Variants in ARHGAP15 observed in about 807,000 individuals in gnomAD.
ARHGAP15 encodes the protein Rho GTPase activating protein 15.
In ARHGAP15, 51 loss-of-function variants were observed where a neutral mutation model predicts 63.7. The ratio of observed to expected loss-of-function variants is 0.80; its 90% CI spans 0.64 to 1.01. ARHGAP15 has a LOEUF of 1.01. Among genes scored for constraint, ARHGAP15 ranks in the 50% least tolerant of loss-of-function variants. The pLI is 0.00. For missense variants in ARHGAP15, 560 were observed against 564.6 expected (o/e 0.99, Z 0.08); for synonymous variants, 191 against 193.8 (o/e 0.99, Z 0.12).
chr2:143,566,664 C>G (rs991091529), intron 11 of ARHGAP15, among the ~76,000 whole-genome samples: 5 of 152,092 alleles, frequency 3.3e-5, no homozygotes, highest in African/African-American at 1.2e-4. Context: ...TCATCAAGCT[C>G]ATCCTCTTCC....
At chr2:143,218,277 C>CTTT (rs762494225) in intron 4 of ARHGAP15, among the ~76,000 whole-genome samples, 3,227 of 91,908 alleles carry the variant, frequency 0.035, 27 homozygotes, top group African/African-American at 0.063. Context: ...TTTAGTTTTC[C>CTTT]TTTTTTTTTT....
intron 10 of ARHGAP15, among the ~76,000 whole-genome samples, chr2:143,548,307 C>T (rs1695415111): frequency 6.6e-6 from 1 of 151,996 alleles, no homozygotes; most frequent in African/African-American, 2.4e-5. Context: ...AAGCATTCTC[C>T]TTTCTGATTC....
At chr2:143,330,139 C>CAAAAAAAAAAAA (rs1553465099) in intron 6 of ARHGAP15, among the ~76,000 whole-genome samples, 1 of 55,504 alleles carries the variant, frequency 1.8e-5, no homozygotes, top group Non-Finnish European at 3.6e-5. Context: ...AAACCAAAAA[C>CAAAAAAAAAAAA]AAAAAACTAA....
chr2:143,711,277 C>T (rs1004653746), intron 13 of ARHGAP15, among the ~76,000 whole-genome samples: 10 of 152,186 alleles, frequency 6.6e-5, no homozygotes, highest in African/African-American at 2.4e-4. Context: ...TCTCCTGAGG[C>T]AGATAAATTA....
intron 13 of ARHGAP15, among the ~76,000 whole-genome samples, chr2:143,734,786 G>T (rs1160295522): frequency 6.6e-6 from 1 of 152,086 alleles, no homozygotes; most frequent in East Asian, 1.9e-4. Flanking sequence ...ATGGATTTCT[G>T]TTTCTACATG....
chr2:143,296,392 C>G (rs996474719), intron 6 of ARHGAP15, among the ~76,000 whole-genome samples: 3 of 152,018 alleles, frequency 2.0e-5, no homozygotes, highest in Non-Finnish European at 4.4e-5. Context: ...CTTTCATAAG[C>G]ATATTGCTAG....
At chr2:143,694,579 A>G (rs538657421) in intron 12 of ARHGAP15, among the ~76,000 whole-genome samples, 2 of 152,340 alleles carry the variant, frequency 1.3e-5, no homozygotes, top group African/African-American at 2.4e-5. Flanking sequence ...CAGTTCAGAA[A>G]TGCTGACTAA....
intron 6 of ARHGAP15, among the ~76,000 whole-genome samples, chr2:143,309,658 A>AG: frequency 6.6e-6 from 1 of 152,018 alleles, no homozygotes; most frequent in Non-Finnish European, 1.5e-5. Flanking sequence ...TAAAATCCCT[A>AG]GGTATGTATC....
At chr2:143,266,194 A>G (rs1455925221) in intron 6 of ARHGAP15, among the ~76,000 whole-genome samples, 1 of 152,124 alleles carries the variant, frequency 6.6e-6, no homozygotes, top group Non-Finnish European at 1.5e-5. Context: ...TTTCCCACTA[A>G]GTCCTTTGTT....
intron 12 of ARHGAP15, among the ~76,000 whole-genome samples, chr2:143,679,656 TGTGTG>T (rs1278984120): frequency 1.2e-4 from 1 of 8,196 alleles, no homozygotes; most frequent in East Asian, 0.1. Context: ...CGTGTGTGCG[TGTGTG>T]TGTGTGTGTG....
intron 13 of ARHGAP15, among the ~76,000 whole-genome samples, chr2:143,728,247 T>C (rs1410798944): frequency 2.0e-5 from 3 of 152,228 alleles, no homozygotes; most frequent in African/African-American, 7.2e-5. Flanking sequence ...TGTGCTTTTT[T>C]TCCCTGGTGT....
At chr2:143,572,282 C>T (rs1218532372) in intron 11 of ARHGAP15, among the ~76,000 whole-genome samples, 1 of 152,170 alleles carries the variant, frequency 6.6e-6, no homozygotes, top group Non-Finnish European at 1.5e-5. Flanking sequence ...CATCACCCAC[C>T]TGTGTGTGCC....
At chr2:143,682,846 T>G (rs899385926) in intron 12 of ARHGAP15, 1 of 152,218 alleles carries the variant, frequency 6.6e-6, no homozygotes, top group South Asian at 2.1e-4. Flanking sequence ...CTTCTCCTTT[T>G]TCGCAGGAGT....
At chr2:143,539,586 T>C (rs1694948897) in intron 10 of ARHGAP15, among the ~76,000 whole-genome samples, 1 of 152,224 alleles carries the variant, frequency 6.6e-6, no homozygotes, top group Admixed American at 6.5e-5. Context: ...TGTGTCTTTG[T>C]TCTCGTTGGT....
intron 6 of ARHGAP15, among the ~76,000 whole-genome samples, chr2:143,272,435 A>G (rs1574191116): frequency 6.6e-6 from 1 of 152,112 alleles, no homozygotes; most frequent in African/African-American, 2.4e-5. Flanking sequence ...GTTCGAGACC[A>G]GCTAGCCAAC....
At chr2:143,141,615 C>G (rs1161064915) in intron 1 of ARHGAP15, among the ~76,000 whole-genome samples, 2 of 152,140 alleles carry the variant, frequency 1.3e-5, no homozygotes, top group African/African-American at 4.8e-5. Flanking sequence ...CAATATCCTA[C>G]TCGTTGTAAC....
chr2:143,542,650 GAT>G (rs1447232339), intron 10 of ARHGAP15, among the ~76,000 whole-genome samples: 1 of 137,668 alleles, frequency 7.3e-6, no homozygotes. Flanking sequence ...ATATATATAT[GAT>G]ATATATTATA....
intron 11 of ARHGAP15, among the ~76,000 whole-genome samples, chr2:143,618,516 G>C (rs1698528988): frequency 6.6e-6 from 1 of 152,160 alleles, no homozygotes; most frequent in Admixed American, 6.5e-5. Context: ...TATTCTTTCT[G>C]TATCCTGGGA....
chr2:143,165,474 T>C (rs1690463742), intron 2 of ARHGAP15, among the ~76,000 whole-genome samples: 3 of 152,086 alleles, frequency 2.0e-5, no homozygotes, highest in African/African-American at 4.8e-5. Flanking sequence ...TGACCCAATA[T>C]AGGAAGACAG....
Sources: gnomAD v4.1 joint callset for allele counts (sites outside exome capture counted in the v4.1 genomes callset) on GRCh38, gnomAD v4.1.1 for gene constraint, MANE v1.5 for transcripts, NCBI Gene and HGNC (gene_info 2026-07-23, HGNC 2026-07-21) for gene names.